GPHN: variants seen among roughly 807,000 people sequenced by gnomAD.
GPHN encodes the protein gephyrin.
Under a neutral mutation model 95.5 loss-of-function variants are expected in GPHN, and 17 were observed. That is an observed-to-expected ratio of 0.18 (90% CI 0.12 to 0.27). The LOEUF is 0.27. GPHN is among the 10% of genes least tolerant of loss of function. GPHN has a pLI of 1.00. For missense variants in GPHN, 660 were observed against 978.1 expected (o/e 0.67, Z 4.34); for synonymous variants, 320 against 322.5 (o/e 0.99, Z 0.08).
chr14:67,278,454 C>T, the GPHN span, among the ~76,000 whole-genome samples: 1 of 151,492 alleles, frequency 6.6e-6, no homozygotes, highest in Admixed American at 6.6e-5. Context: ...GTTTCTTATT[C>T]GTTGGGCATG....
At chr14:67,291,098 TAAG>T in the GPHN span, among the ~76,000 whole-genome samples, 3 of 152,064 alleles carry the variant, frequency 2.0e-5, no homozygotes, top group Non-Finnish European at 2.9e-5. Flanking sequence ...AATTCTATAA[TAAG>T]AGCAACCATA....
intron 17 of GPHN, among the ~76,000 whole-genome samples, chr14:67,124,008 A>AT (rs111750661): frequency 0.067 from 10,111 of 151,444 alleles, 355 homozygotes; most frequent in Middle Eastern, 0.085. Context: ...TTTCCTCCTG[A>AT]TTTTTTTTTC....
intron 2 of GPHN, among the ~76,000 whole-genome samples, chr14:66,736,328 T>C (rs1375000397): frequency 6.6e-6 from 1 of 152,090 alleles, no homozygotes; most frequent in Non-Finnish European, 1.5e-5. Context: ...CTTGATAATC[T>C]ATAGAAGTTA....
At chr14:67,184,993 C>G (rs1217517601), downstream of GPHN, among the ~76,000 whole-genome samples, 1 of 152,028 alleles carries the variant, frequency 6.6e-6, no homozygotes, top group Non-Finnish European at 1.5e-5. Flanking sequence ...AAAAGAAATA[C>G]CAAGAAGGAT....
intron 1 of GPHN, among the ~76,000 whole-genome samples, chr14:66,562,586 G>T (rs2060305655): frequency 6.6e-6 from 1 of 152,076 alleles, no homozygotes; most frequent in Non-Finnish European, 1.5e-5. Context: ...GTTGGAATTT[G>T]GGCTTACGTA....
At position 67,128,815 on chromosome 14, in the gene GPHN, AT is replaced by A. The variant is rs1157802353; in HGVS notation, c.1748+6454del. 2.9e-3 allele frequency among the ~76,000 whole-genome samples: 407 copies of A among 139,702 alleles called. 2 individuals carry two copies. The highest frequency in any genetic ancestry group is 4.7e-3 in the African/African-American group (181 of 38,274). 91.6% of individuals were successfully genotyped at this position (139,702 alleles called of 152,430 possible). On this transcript the variant is annotated intron_variant, in intron 17 of 22. Coordinates refer to ENST00000478722, the MANE Select transcript of GPHN (RefSeq NM_020806.5). The stretch of plus-strand genomic sequence containing the variant: ...CCGGGCGTGGCGGTGGGCGCTTCTA[AT>A]TTTTTTTTTTTTTTTGAGACGGAGT...
intron 8 of GPHN, among the ~76,000 whole-genome samples, chr14:66,940,294 G>A (rs2067349945): frequency 6.6e-6 from 1 of 151,980 alleles, no homozygotes; most frequent in Non-Finnish European, 1.5e-5. Context: ...GGTTCAGGAT[G>A]CAATTGAAAG....
chr14:67,731,372 G>A, the GPHN span, among the ~76,000 whole-genome samples: 1 of 151,632 alleles, frequency 6.6e-6, no homozygotes, highest in African/African-American at 2.4e-5. Context: ...ATGCCACGAC[G>A]CCCAGCTAGT....
intron 8 of GPHN, among the ~76,000 whole-genome samples, chr14:66,947,729 G>A (rs2067849305): frequency 6.6e-6 from 1 of 152,174 alleles, no homozygotes; most frequent in Admixed American, 6.5e-5. Context: ...AGGCTGAGGT[G>A]GAGGGATTGC....
chr14:67,163,914 C>T (rs567187474), intron 19 of GPHN, among the ~76,000 whole-genome samples: 1 of 152,070 alleles, frequency 6.6e-6, no homozygotes, highest in East Asian at 1.9e-4. Context: ...CACCCCACCT[C>T]CTATGATAAG....
At chr14:67,001,318 G>A (rs1282850661) in intron 9 of GPHN, among the ~76,000 whole-genome samples, 1 of 151,428 alleles carries the variant, frequency 6.6e-6, no homozygotes, top group Non-Finnish European at 1.5e-5. Flanking sequence ...AGATTAATTA[G>A]ACATATAGCT....
chr14:66,720,181 C>T (rs1469855155), intron 2 of GPHN, among the ~76,000 whole-genome samples: 1 of 152,056 alleles, frequency 6.6e-6, no homozygotes, highest in Non-Finnish European at 1.5e-5. Context: ...GCATAAATCT[C>T]ATTTATTTGT....
chr14:66,585,352 T>C (rs1419653829), intron 1 of GPHN, among the ~76,000 whole-genome samples: 5 of 152,192 alleles, frequency 3.3e-5, no homozygotes, highest in Non-Finnish European at 5.9e-5. Flanking sequence ...CCTGGATTCA[T>C]TGATTTTTTG....
At chr14:66,644,211 A>G (rs2064604838) in intron 1 of GPHN, among the ~76,000 whole-genome samples, 1 of 152,090 alleles carries the variant, frequency 6.6e-6, no homozygotes, top group Non-Finnish European at 1.5e-5. Context: ...GAGTTTGGGA[A>G]CAAGTAATTA....
chr14:67,245,320 G>C, the GPHN span, among the ~76,000 whole-genome samples: 1 of 151,978 alleles, frequency 6.6e-6, no homozygotes, highest in Non-Finnish European at 1.5e-5. Context: ...CACTTGGTAT[G>C]GTCAGTCTTT....
chr14:67,458,313 ACAGTGTCCTTTATG>A, the GPHN span, among the ~76,000 whole-genome samples: 1 of 150,932 alleles, frequency 6.6e-6, no homozygotes, highest in African/African-American at 2.4e-5. Context: ...GATGTGCGGT[ACAGTGTCCTTTATG>A]GACTCATAAT....
At chr14:67,451,642 T>C in the GPHN span, among the ~76,000 whole-genome samples, 1 of 152,218 alleles carries the variant, frequency 6.6e-6, no homozygotes, top group African/African-American at 2.4e-5. Context: ...TTGGAATGGC[T>C]GTATTTACCC....
the GPHN span, among the ~76,000 whole-genome samples, chr14:67,491,602 T>C: frequency 6.6e-6 from 1 of 152,154 alleles, no homozygotes; most frequent in African/African-American, 2.4e-5. Flanking sequence ...CCGAATACAT[T>C]TCTTATTACA....
At chr14:66,689,235 G>A (rs1222582283) in intron 2 of GPHN, among the ~76,000 whole-genome samples, 1 of 152,110 alleles carries the variant, frequency 6.6e-6, no homozygotes, top group Non-Finnish European at 1.5e-5. Flanking sequence ...CTTGGTGAGA[G>A]TTTTTATCAG....
Sources: allele counts gnomAD v4.1 joint callset (sites outside exome capture counted in the v4.1 genomes callset), GRCh38; gene constraint gnomAD v4.1.1; transcripts MANE v1.5; gene names NCBI Gene and HGNC (gene_info 2026-07-23, HGNC 2026-07-21).